SCN1A: variants seen among roughly 807,000 people sequenced by gnomAD.
SCN1A encodes sodium voltage-gated channel alpha subunit 1.
Under a neutral mutation model 193.7 loss-of-function variants are expected in SCN1A, and 13 were observed. The ratio of observed to expected loss-of-function variants is 0.07; its 90% confidence interval spans 0.04 to 0.11. The LOEUF (loss-of-function observed/expected upper bound fraction) is 0.11. Ranked by LOEUF, SCN1A falls within the 10% of genes least tolerant of loss-of-function variation. SCN1A has a pLI of 1.00. For synonymous variants in SCN1A, 781 were observed against 843.6 expected (o/e 0.93, Z 1.29); for missense variants, 1,432 against 2,451.1 (o/e 0.58, Z 8.78).
intron 19 of SCN1A, among the ~76,000 whole-genome samples, chr2:166,022,553 G>C (rs761498145): frequency 3.0e-4 from 45 of 152,122 alleles, no homozygotes; most frequent in Non-Finnish European, 5.9e-4. Context: ...ACAGTCTGTA[G>C]TAAGCAGAAT....
chr2:166,116,408 A>G (rs1343026277), intron 2 of SCN1A, among the ~76,000 whole-genome samples: 6 of 152,208 alleles, frequency 3.9e-5, no homozygotes, highest in Non-Finnish European at 8.8e-5. Context: ...AACTAAACTG[A>G]TATGTGCAGC....
chr2:165,996,931 C>T (rs1690155415), intron 26 of SCN1A, among the ~76,000 whole-genome samples: 1 of 151,244 alleles, frequency 6.6e-6, no homozygotes, highest in Admixed American at 6.6e-5. Flanking sequence ...AAAGTCATAA[C>T]AATTAAGGTT....
At position 166,036,229 on chromosome 2, in the gene SCN1A, G is replaced by T; in HGVS notation, c.3248C>A (p.Thr1083Lys). The stretch of plus-strand genomic sequence containing the variant: ...ACTGCTGCCAGTTCCTATACCACTT[G>T]TAGTTCCATTTACATCTTTAAGATA... ...LDYLKDVNGT[T>K]SGIGTGSSVE... Residue 1083 changes from threonine to lysine, a missense_variant, in exon 19 of 29, where the codon ACA (threonine) becomes AAA (lysine). Around this residue, in one of 18 missense-constraint regions of SCN1A, gnomAD observed 198 missense variants for 225.8 expected, o/e 0.88. Transcript: ENST00000674923. 1 of 1,613,804 alleles carries T rather than the reference G, an allele frequency of 6.2e-7. No individual in the cohort carries two copies. Among genetic ancestry groups the T allele is most frequent in the Non-Finnish European group, 8.5e-7 (1 of 1,179,812 alleles).
intron 2 of SCN1A, among the ~76,000 whole-genome samples, chr2:166,090,933 C>T (rs1203278108): frequency 1.3e-5 from 2 of 152,146 alleles, no homozygotes; most frequent in Non-Finnish European, 2.9e-5. Flanking sequence ...ACACGATTTA[C>T]CCAAGTGATT....
chr2:166,139,983 ATTG>A (rs139239599), intron 1 of SCN1A, among the ~76,000 whole-genome samples: 5,479 of 152,224 alleles, frequency 0.036, 131 homozygotes, highest in South Asian at 0.047. Context: ...AATAATAATA[ATTG>A]TTGTTAATTT....
At chr2:166,028,596 T>C (rs182225549) in intron 19 of SCN1A, among the ~76,000 whole-genome samples, 11 of 152,338 alleles carry the variant, frequency 7.2e-5, no homozygotes, top group African/African-American at 1.7e-4. Flanking sequence ...ATTTGTAAAA[T>C]GGTTCTTACT....
At chr2:166,138,755 G>C (rs1467579368) in intron 1 of SCN1A, among the ~76,000 whole-genome samples, 1 of 152,138 alleles carries the variant, frequency 6.6e-6, no homozygotes, top group Non-Finnish European at 1.5e-5. Context: ...TATGAGAAGA[G>C]GGTCACCATC....
In SCN1A at chr2:166,144,167, A is replaced by G. The variant is rs11884057; in HGVS notation, c.-50+4880T>C. Among the ~76,000 whole-genome samples the G allele has an allele frequency of 4.3e-3, 660 of 152,350 alleles. 5 individuals are homozygous for G. Among genetic ancestry groups the G allele is most frequent in the African/African-American group, 0.015 (639 of 41,582 alleles). ...GGGTGGTTAATGTTAGGTAAAGTCC[A>G]AAATGTAAAGGAACTACATAGCAAT... On this transcript the variant is annotated intron_variant, in intron 1 of 26. Coordinates refer to the SCN1A transcript ENST00000635750.
In SCN1A at chr2:166,007,119, T is replaced by G. The variant is rs1396428369; in HGVS notation, c.4002+2600A>C. The G allele has an allele frequency of 2.7e-5, 4 of 150,834 alleles. No homozygotes were observed. The highest frequency in any genetic ancestry group is 9.7e-5 in the African/African-American group (4 of 41,188). The allele number at this position is 150,834 out of a possible 1,614,324, so 9.3% of individuals were successfully genotyped here. ...AGAGGGGATTAGGATGTAAATAATG[T>G]ATTTTCCCTACTGTGGTGCAATAAT... On this transcript the variant is annotated intron_variant, in intron 23 of 28. Coordinates refer to ENST00000674923, the MANE Select transcript of SCN1A (RefSeq NM_001165963.4).
In SCN1A at chr2:165,992,212, C is replaced by G; in HGVS notation, c.5063G>C (p.Gly1688Ala). The change falls in exon 29 of 29, where the codon GGG (glycine) becomes GCG (alanine). Residue 1688 changes from glycine to alanine, a missense_variant. Transcript: ENST00000674923. The surrounding 1 kb of genome is among the most constrained non-coding windows in gnomAD (Gnocchi z 6.5). The part of the protein sequence containing the change: ...FLVMFIYAIF[G>A]MSNFAYVKRE... ...CTTAACATAGGCAAAGTTGGACATC[C>G]CAAAGATGGCGTAGATGAACATGAC... 1 of 1,613,704 alleles carries G rather than the reference C, an allele frequency of 6.2e-7. No individual in the cohort carries two copies. Among genetic ancestry groups the G allele is most frequent in the Non-Finnish European group, 8.5e-7 (1 of 1,179,852 alleles).
rs1292945079 is a variant in SCN1A at position 165,989,067 on chromosome 2, T to TGTGTGC, written c.*2177_*2178insGCACAC. On this transcript the variant is annotated 3_prime_UTR_variant, in exon 29 of 29. Coordinates refer to ENST00000674923, the MANE Select transcript of SCN1A (RefSeq NM_001165963.4). ...GTGTGTGTGTGTGTGTGTGTGTGTG[T>TGTGTGC]GCGCGCGCGCTCCCCTTCTCCCCCA... 9.1e-5 allele frequency: 2 copies of TGTGTGC among 21,906 alleles called. No individual in the cohort carries two copies. Among genetic ancestry groups the TGTGTGC allele is most frequent in the African/African-American group, 1.6e-4 (2 of 12,362 alleles). The allele number at this position is 21,906 out of a possible 1,614,324, so 1.4% of individuals were successfully genotyped here.
intron 7 of SCN1A, among the ~76,000 whole-genome samples, chr2:166,053,533 C>A (rs1698825292): frequency 6.6e-6 from 1 of 151,952 alleles, no homozygotes; most frequent in African/African-American, 2.4e-5. Context: ...AAAAGTTAAG[C>A]AAATTAAGAA....
chr2:165,991,472 C>T lies in SCN1A; in HGVS notation c.5803G>A (p.Val1935Ile). 1.2e-6 allele frequency: 2 copies of T among 1,613,822 alleles called. No individual in the cohort carries two copies. The highest frequency in any genetic ancestry group is 2.7e-5 in the African/African-American group (2 of 74,992). Residue 1935 changes from valine (V) to isoleucine (I), a missense_variant, in exon 29 of 29, where the codon GTA becomes ATA. By Grantham distance (29) the Val-to-Ile change is conservative (BLOSUM62 3). Around this residue, in one of 18 missense-constraint regions of SCN1A, gnomAD observed 148 missense variants for 160.3 expected, o/e 0.92. Transcript: ENST00000674923. ...TTGTACGTAAAGGAAGCTTGTTTTA[C>T]AGTTCGCTTTAAAAGGTGGCGTCTG... The part of the protein sequence containing the change: ...AYRRHLLKRT[V>I]KQASFTYNKN...
Position 165,992,466 on chromosome 2 carries a change from C to T in SCN1A, c.4853-44G>A, listed in dbSNP as rs756116467. The T allele has an allele frequency of 3.7e-6, 6 of 1,606,718 alleles. No individual in the cohort carries two copies. Among genetic ancestry groups the T allele is most frequent in the Non-Finnish European group, 5.1e-6 (6 of 1,174,198 alleles). The stretch of plus-strand genomic sequence containing the variant: ...AATACCAACCAGTGAAGAAATCATG[C>T]GTTAAAATAAACATATGTTTCTTCT... On this transcript the variant is annotated intron_variant, in intron 28 of 28. Transcript: ENST00000674923. This position sits in a 1 kb window ranked among gnomAD's most constrained non-coding sequence, Gnocchi z 6.5.
chr2:166,038,625 A>G (rs1386648925), intron 17 of SCN1A, among the ~76,000 whole-genome samples: 2 of 152,210 alleles, frequency 1.3e-5, no homozygotes, highest in East Asian at 3.9e-4. Flanking sequence ...GGCATGAGCC[A>G]CCAAGCCAGG....
At chr2:166,003,103 A>T (rs1691166475) in intron 23 of SCN1A, among the ~76,000 whole-genome samples, 1 of 151,686 alleles carries the variant, frequency 6.6e-6, no homozygotes, top group East Asian at 1.9e-4. Flanking sequence ...TAAAAAGCCT[A>T]TACAGAAGTT....
intron 15 of SCN1A, among the ~76,000 whole-genome samples, chr2:166,042,044 C>T (rs778784410): frequency 6.6e-6 from 1 of 152,084 alleles, no homozygotes; most frequent in Non-Finnish European, 1.5e-5. Flanking sequence ...AACAGAAATG[C>T]TTTGTTCTGC....
intron 2 of SCN1A, among the ~76,000 whole-genome samples, chr2:166,122,413 C>T (rs1232429663): frequency 1.3e-5 from 2 of 152,054 alleles, no homozygotes; most frequent in East Asian, 3.9e-4. Context: ...TGAGAAGAAA[C>T]ATTTTGTTGT....
chr2:166,065,362 G>A (rs867349467), intron 4 of SCN1A, among the ~76,000 whole-genome samples: 1 of 152,164 alleles, frequency 6.6e-6, no homozygotes, highest in South Asian at 2.1e-4. Flanking sequence ...AGCATAGATG[G>A]TCAGGAGATT....
Sources: allele counts gnomAD v4.1 joint callset (sites outside exome capture counted in the v4.1 genomes callset), GRCh38; gene constraint gnomAD v4.1.1; regional missense constraint gnomAD v4.1.1; non-coding constraint Gnocchi (gnomAD v3.1); transcripts MANE v1.5; gene names NCBI Gene and HGNC (gene_info 2026-07-23, HGNC 2026-07-21).